Variants in ANKFY1 observed in about 807,000 individuals in gnomAD.
ANKFY1 encodes the protein ankyrin repeat and FYVE domain-containing protein 1.
In ANKFY1, 47 loss-of-function variants were observed where a neutral mutation model predicts 128.3. The observed-to-expected ratio is 0.37, with a 90% CI of 0.29 to 0.47. The LOEUF is 0.47. Ranked by LOEUF, ANKFY1 falls within the 20% of genes least tolerant of loss-of-function variation. ANKFY1 has a pLI of 1.00. For synonymous variants in ANKFY1, 553 were observed against 601.6 expected (o/e 0.92, Z 1.18); for missense variants, 1,222 against 1,510.6 (o/e 0.81, Z 3.17).
At chr17:4,261,490 G>A (rs1247278446) in intron 1 of ANKFY1, among the ~76,000 whole-genome samples, 49 of 152,202 alleles carry the variant, frequency 3.2e-4, no homozygotes, top group Non-Finnish European at 1.6e-4. Flanking sequence ...AAGGAAAGGG[G>A]AAGGGAAGGA....
intron 10 of ANKFY1, among the ~76,000 whole-genome samples, chr17:4,194,202 A>T (rs979217251): frequency 2.1e-5 from 3 of 139,886 alleles, no homozygotes; most frequent in Non-Finnish European, 3.0e-5. Flanking sequence ...TCTGCCTCCC[A>T]GTTTCAAGCG....
intron 19 of ANKFY1, among the ~76,000 whole-genome samples, chr17:4,176,799 G>A (rs4790182): frequency 0.9 from 137,494 of 152,278 alleles, 63,790 homozygotes; most frequent in Non-Finnish European, 1. Context: ...AAAATTAAGA[G>A]AGACAGCTCA....
chr17:4,235,206 G>A (rs1304637458), intron 3 of ANKFY1, among the ~76,000 whole-genome samples: 1 of 151,942 alleles, frequency 6.6e-6, no homozygotes, highest in East Asian at 1.9e-4. Flanking sequence ...AGCTGGGTGT[G>A]GTGGTGGGTG....
chr17:4,249,195 T>C (rs914618475), intron 1 of ANKFY1: 26 of 857,338 alleles, frequency 3.0e-5, no homozygotes, highest in African/African-American at 2.7e-4. Context: ...CAGGGCCACA[T>C]AGCAAATATT....
At chr17:4,243,801 C>T (rs577383817) in intron 1 of ANKFY1, among the ~76,000 whole-genome samples, 368 of 152,270 alleles carry the variant, frequency 2.4e-3, no homozygotes, top group African/African-American at 8.2e-3. Context: ...TGAGAACCAC[C>T]GTATTTGATT....
chr17:4,181,459 A>G lies in ANKFY1; in HGVS notation c.2122-87T>C. ...AAGTCTGAGCTCTATGTATAGCATTAAATCCACTTTCAGATAAGATACGGT... is the reference window on the plus strand; with the variant it reads ...AAGTCTGAGCTCTATGTATAGCATTGAATCCACTTTCAGATAAGATACGGT... On this transcript the variant is annotated intron_variant, in intron 15 of 24. Transcript: ENST00000341657. This position sits in a 1 kb window ranked among gnomAD's most constrained non-coding sequence, Gnocchi z 4.9. 1 of 851,822 alleles carries G rather than the reference A, an allele frequency of 1.2e-6. No individual in the cohort carries two copies. Among genetic ancestry groups the G allele is most frequent in the Non-Finnish European group, 2.0e-6 (1 of 503,760 alleles). 52.8% of individuals were successfully genotyped at this position (851,822 alleles called of 1,614,324 possible).
intron 10 of ANKFY1, among the ~76,000 whole-genome samples, chr17:4,191,860 G>A (rs866550725): frequency 2.2e-4 from 5 of 22,616 alleles, no homozygotes; most frequent in Admixed American, 7.6e-4. Flanking sequence ...GTTGATGGTT[G>A]CTCTAATCTG....
rs568353188 is a variant in ANKFY1, at chr17:4,224,568, A to C, written c.323-7450T>G. Among the ~76,000 whole-genome samples, 11 of 152,322 alleles carry C rather than the reference A, an allele frequency of 7.2e-5. No individual in the cohort carries two copies. In the South Asian group the frequency reaches 1.0e-3, roughly 14 times the overall value. On this transcript the variant is annotated intron_variant, in intron 3 of 24. Transcript: ENST00000341657. ...TGGTTTGTCTTGTACAAGAAAAGGC[A>C]ATATGAGAGGAAGAAAATTTAAAGA...
At chr17:4,213,652 C>T (rs1297453923) in intron 4 of ANKFY1, among the ~76,000 whole-genome samples, 2 of 151,106 alleles carry the variant, frequency 1.3e-5, no homozygotes, top group Non-Finnish European at 3.0e-5. Flanking sequence ...CTGCAACCTC[C>T]GCCTCCCAGG....
chr17:4,183,935 A>G, intron 12 of ANKFY1, 25 bp from the exon 13 acceptor site: 6 of 1,568,702 alleles, frequency 3.8e-6, no homozygotes, highest in Non-Finnish European at 5.3e-6. Flanking sequence ...AAGTAAAAGA[A>G]CACTTGATGT....
chr17:4,250,204 T>C (rs1405645791), intron 1 of ANKFY1, among the ~76,000 whole-genome samples: 1 of 152,164 alleles, frequency 6.6e-6, no homozygotes, highest in Non-Finnish European at 1.5e-5. Flanking sequence ...TACCCATACT[T>C]TACTGTCACT....
chr17:4,183,756 C>A, intron 13 of ANKFY1, 56 bp downstream of exon 13: 2 of 1,538,018 alleles, frequency 1.3e-6, no homozygotes, highest in South Asian at 1.1e-5. Flanking sequence ...TCCCACCCGG[C>A]CCCACTTCGG....
chr17:4,240,961 T>C (rs1442356075), intron 2 of ANKFY1, among the ~76,000 whole-genome samples: 1 of 152,218 alleles, frequency 6.6e-6, no homozygotes, highest in East Asian at 1.9e-4. Context: ...TCTTTACCTA[T>C]TAAACCCTAT....
intron 17 of ANKFY1, chr17:4,179,511 G>C: frequency 3.2e-6 from 2 of 631,918 alleles, no homozygotes; most frequent in Non-Finnish European, 5.3e-6. Context: ...CAAAGAGAAA[G>C]AGCTGAAACA....
intron 4 of ANKFY1, among the ~76,000 whole-genome samples, chr17:4,214,523 C>CTTT (rs61260385): frequency 2.2e-5 from 3 of 136,154 alleles, no homozygotes; most frequent in East Asian, 2.1e-4. Flanking sequence ...ATAAACCTAA[C>CTTT]TTTTTTTTTT....
chr17:4,257,008 C>T (rs1421834450), intron 1 of ANKFY1, among the ~76,000 whole-genome samples: 1 of 152,158 alleles, frequency 6.6e-6, no homozygotes, highest in Non-Finnish European at 1.5e-5. Flanking sequence ...TTAGACATCA[C>T]CACATAGAAG....
chr17:4,253,937 A>T (rs1002264485), intron 1 of ANKFY1, among the ~76,000 whole-genome samples: 2 of 152,190 alleles, frequency 1.3e-5, no homozygotes, highest in African/African-American at 4.8e-5. Flanking sequence ...ATATGACAAC[A>T]ACAACAACAA....
chr17:4,238,981 C>T (rs948306100), intron 2 of ANKFY1, among the ~76,000 whole-genome samples: 1 of 152,052 alleles, frequency 6.6e-6, no homozygotes, highest in African/African-American at 2.4e-5. Context: ...TGGTGTCAAA[C>T]TCCTGGCCTC....
In ANKFY1 at chr17:4,206,465, C is replaced by T; in HGVS notation, c.754G>A (p.Ala252Thr). Residue 252 changes from alanine to threonine, a missense_variant, in exon 7 of 25, where the codon GCG becomes ACG. Ala to Thr is a moderately conservative substitution (Grantham distance 58). Coordinates refer to ENST00000341657, the MANE Select transcript of ANKFY1 (RefSeq NM_001330063.2). Reference protein sequence around the residue: ...DSQLPGKLNEADHNGDLALDL... With the variant: ...DSQLPGKLNETDHNGDLALDL... Reference sequence around the variant, plus strand: ...AATGCCAGATCTCCGTTATGATCCGCTTCATTCAGCTTCCCAGGGAGCTAC... The same window carrying T: ...AATGCCAGATCTCCGTTATGATCCGTTTCATTCAGCTTCCCAGGGAGCTAC... The T allele has an allele frequency of 6.2e-7, 1 of 1,613,098 alleles. No homozygotes were observed. Among genetic ancestry groups the T allele is most frequent in the Non-Finnish European group, 8.5e-7 (1 of 1,179,126 alleles).
Sources: allele counts gnomAD v4.1 joint callset (sites outside exome capture counted in the v4.1 genomes callset), GRCh38; gene constraint gnomAD v4.1.1; non-coding constraint Gnocchi (gnomAD v3.1); transcripts MANE v1.5; gene names NCBI Gene and HGNC (gene_info 2026-07-23, HGNC 2026-07-21).